Variants in SH2B3 observed in about 807,000 individuals in gnomAD.
SH2B3 encodes the protein SH2B adapter protein 3.
SH2B3 carries 43 observed loss-of-function variants against 51.9 expected under a neutral mutation model. The observed-to-expected ratio is 0.83, with a 90% confidence interval of 0.65 to 1.07. The LOEUF is 1.07. Among genes scored for constraint, SH2B3 ranks in the 50% least tolerant of loss-of-function variants. SH2B3 has a pLI of 0.00. For missense variants in SH2B3, 952 were observed against 834.3 expected (o/e 1.14, Z -1.74); for synonymous variants, 396 against 376.0 (o/e 1.05, Z -0.62).
rs1267023892 is a variant in SH2B3, at chr12:111,438,593, C to A, written c.733-8160C>A. On this transcript the variant is annotated intron_variant, in intron 2 of 7. Coordinates refer to ENST00000341259, the MANE Select transcript of SH2B3 (RefSeq NM_005475.3). This position sits in a 1 kb window ranked among gnomAD's most constrained non-coding sequence, Gnocchi z 4.2. ...CTTATGATGAATGTTGAGCACCCAC[C>A]ACCTAGCAGGCACTGGCTCGCGGCC... 6.6e-6 allele frequency among the ~76,000 whole-genome samples: 1 copy of A among 152,228 alleles called. No homozygotes were observed. Among genetic ancestry groups the A allele is most frequent in the African/African-American group, 2.4e-5 (1 of 41,456 alleles).
intron 1 of SH2B3, among the ~76,000 whole-genome samples, chr12:111,415,945 T>G (rs552852052): frequency 1.3e-5 from 2 of 151,556 alleles, no homozygotes; most frequent in African/African-American, 2.4e-5. Context: ...ATTTATTTAT[T>G]TATTTATTTA....
chr12:111,418,517 G>A lies in SH2B3; in HGVS notation c.372G>A (p.Leu124=). ...GLPKARSSEE[L]APPRPPGPCS... ...CCAAGGCCCGCAGCTCTGAGGAGCT[G>A]GCCCCGCCGCGGCCGCCCGGGCCCT... The change falls in exon 2 of 8, where the codon CTG becomes CTA. Residue 124 remains leucine, a synonymous_variant. Coordinates refer to ENST00000341259, the MANE Select transcript of SH2B3 (RefSeq NM_005475.3). The surrounding 1 kb of genome is among the most constrained non-coding windows in gnomAD (Gnocchi z 6.7). The A allele has an allele frequency of 2.9e-6, 4 of 1,387,194 alleles. No individual in the cohort carries two copies. The highest frequency in any genetic ancestry group is 9.3e-7 in the Non-Finnish European group (1 of 1,072,162). 85.9% of individuals were successfully genotyped at this position (1,387,194 alleles called of 1,614,324 possible). A position where few individuals can be genotyped will look rare whatever the true frequency, so the allele number is the denominator to read the frequency against.
intron 1 of SH2B3, among the ~76,000 whole-genome samples, chr12:111,414,062 G>A (rs1019460592): frequency 6.6e-6 from 1 of 152,222 alleles, no homozygotes; most frequent in South Asian, 2.1e-4. Context: ...CACGAGGGCA[G>A]CGCCTGTCTC....
At chr12:111,405,242 C>A (rs1229817103), upstream of SH2B3, among the ~76,000 whole-genome samples, 1 of 152,202 alleles carries the variant, frequency 6.6e-6, no homozygotes, top group Non-Finnish European at 1.5e-5. This position sits in a 1 kb window ranked among gnomAD's most constrained non-coding sequence, Gnocchi z 5.4. Context: ...GGACGGGCGG[C>A]CGGAGCGAGG....
intron 2 of SH2B3, among the ~76,000 whole-genome samples, chr12:111,419,900 G>T (rs1445866713): frequency 6.6e-6 from 1 of 152,142 alleles, no homozygotes; most frequent in African/African-American, 2.4e-5. Flanking sequence ...CTCCTTAGGC[G>T]CCTCTTGGCT....
chr12:111,446,598 C>T (rs565871684), intron 2 of SH2B3, among the ~76,000 whole-genome samples, 155 bp from the exon 3 acceptor site: 10 of 152,274 alleles, frequency 6.6e-5, no homozygotes, highest in African/African-American at 2.4e-4. Context: ...GGGGAAGGCA[C>T]CCTGGACCTC....
At chr12:111,415,076 A>G (rs1870980811) in intron 1 of SH2B3, among the ~76,000 whole-genome samples, 1 of 152,194 alleles carries the variant, frequency 6.6e-6, no homozygotes, top group Non-Finnish European at 1.5e-5. Flanking sequence ...TAACACCTGA[A>G]GAGAGGATGA....
At chr12:111,442,164 G>A (rs1442480198) in intron 2 of SH2B3, among the ~76,000 whole-genome samples, 16 of 152,180 alleles carry the variant, frequency 1.1e-4, no homozygotes, top group Admixed American at 5.2e-4. Flanking sequence ...CTGGGCTGGG[G>A]TGAGGGATCA....
chr12:111,424,622 G>T (rs1024812891), intron 2 of SH2B3, among the ~76,000 whole-genome samples: 1 of 152,092 alleles, frequency 6.6e-6, no homozygotes, highest in African/African-American at 2.4e-5. Flanking sequence ...GGTTGCTGCG[G>T]GGCCTGGGGT....
chr12:111,441,379 T>A lies in SH2B3; in HGVS notation c.733-5374T>A, dbSNP rs185605936. Among the ~76,000 whole-genome samples, 23 of 138,940 alleles carry A rather than the reference T, an allele frequency of 1.7e-4. No homozygotes were observed. In the East Asian group the frequency reaches 3.9e-3, roughly 24 times the overall value. 91.2% of individuals were successfully genotyped at this position (138,940 alleles called of 152,430 possible). ...ATCTCTTAAAAAAAAAAAAAAAAAATTGGAAACTGAGGCTAGGAGAGGTGA... is the reference window on the plus strand; with the variant it reads ...ATCTCTTAAAAAAAAAAAAAAAAAAATGGAAACTGAGGCTAGGAGAGGTGA... On this transcript the variant is annotated intron_variant, in intron 2 of 7. Transcript: ENST00000341259.
chr12:111,412,830 C>A (rs926772015), intron 1 of SH2B3, among the ~76,000 whole-genome samples: 1 of 152,150 alleles, frequency 6.6e-6, no homozygotes, highest in African/African-American at 2.4e-5. Flanking sequence ...CTTGGCCTCC[C>A]GAGGTATTGA....
At chr12:111,414,763 C>T (rs2135540698) in intron 1 of SH2B3, among the ~76,000 whole-genome samples, 1 of 152,260 alleles carries the variant, frequency 6.6e-6, no homozygotes, top group Middle Eastern at 3.4e-3. Flanking sequence ...CCCAGCGGGA[C>T]ATGGCCACAT....
At chr12:111,424,815 C>G (rs1408255830) in intron 2 of SH2B3, among the ~76,000 whole-genome samples, 1 of 152,196 alleles carries the variant, frequency 6.6e-6, no homozygotes, top group Non-Finnish European at 1.5e-5. Flanking sequence ...TCCCTGACCT[C>G]TGACCCAGGG....
Position 111,447,417 on chromosome 12 carries a change from C to A in SH2B3, c.1109C>A (p.Ser370Tyr). The change falls in exon 6 of 8, where the codon TCC becomes TAC. Residue 370 changes from serine (S) to tyrosine (Y), a missense_variant. By Grantham distance (144) the Ser-to-Tyr change is moderately radical. Coordinates refer to ENST00000341259, the MANE Select transcript of SH2B3 (RefSeq NM_005475.3). ...SCYPWFHGPI[S>Y]RVKAAQLVQL... is the part of the protein sequence containing the mutation. ...TACCCCTGGTTCCACGGCCCCATCT[C>A]CAGAGTGAAAGCAGCTCAGCTGGTT... 6.2e-7 allele frequency: 1 copy of A among 1,614,014 alleles called. No individual in the cohort carries two copies. Among genetic ancestry groups the A allele is most frequent in the Non-Finnish European group, 8.5e-7 (1 of 1,179,948 alleles).
At chr12:111,444,562 C>T (rs1012898685) in intron 2 of SH2B3, among the ~76,000 whole-genome samples, 4 of 152,230 alleles carry the variant, frequency 2.6e-5, no homozygotes, top group African/African-American at 9.6e-5. Flanking sequence ...GTCCAGGGAG[C>T]AGCTGTTGCT....
At chr12:111,413,246 T>G (rs1870835061) in intron 1 of SH2B3, among the ~76,000 whole-genome samples, 1 of 152,158 alleles carries the variant, frequency 6.6e-6, no homozygotes, top group South Asian at 2.1e-4. Context: ...GAAAAATGCC[T>G]GATATGATCT....
chr12:111,446,672 G>A lies in SH2B3; in HGVS notation c.733-81G>A, dbSNP rs927123980. Reference sequence around the variant, plus strand: ...CTCTCTCTAAAAGGGGGACTCCTGGGGAGACTATAGACAAACTCAGGCCTG... The same window carrying A: ...CTCTCTCTAAAAGGGGGACTCCTGGAGAGACTATAGACAAACTCAGGCCTG... On this transcript the variant is annotated intron_variant, in intron 2 of 7. Transcript: ENST00000341259. The A allele has an allele frequency of 3.5e-5, 26 of 747,558 alleles. 1 individual carries two copies. Among genetic ancestry groups the A allele is most frequent in the Admixed American group, 2.6e-4 (9 of 34,158 alleles). 46.3% of individuals were successfully genotyped at this position (747,558 alleles called of 1,614,324 possible).
intron 1 of SH2B3, among the ~76,000 whole-genome samples, chr12:111,411,668 C>T (rs567597318): frequency 2.3e-4 from 35 of 152,256 alleles, no homozygotes; most frequent in East Asian, 7.7e-4. Flanking sequence ...ACTGCTGCTT[C>T]GAGGCCCTCA....
At position 111,410,813 on chromosome 12, in the gene SH2B3, G is replaced by A. The variant is rs577078512; in HGVS notation, c.-28+4536G>A. Among the ~76,000 whole-genome samples the A allele has an allele frequency of 1.3e-4, 20 of 152,322 alleles. No individual in the cohort carries two copies. The South Asian group carries it at 3.7e-3, about 28-fold the overall frequency. Reference sequence around the variant, plus strand: ...GAATGCTGTGAAAGGGCAGCAGGCCGCCTGCCAGGCAGTGTGTGTCAGAAT... The same window carrying A: ...GAATGCTGTGAAAGGGCAGCAGGCCACCTGCCAGGCAGTGTGTGTCAGAAT... On this transcript the variant is annotated intron_variant, in intron 1 of 7. Coordinates refer to ENST00000341259, the MANE Select transcript of SH2B3 (RefSeq NM_005475.3). This position sits in a 1 kb window ranked among gnomAD's most constrained non-coding sequence, Gnocchi z 4.9.
Sources: gnomAD v4.1 joint callset for allele counts (sites outside exome capture counted in the v4.1 genomes callset) on GRCh38, gnomAD v4.1.1 for gene constraint, Gnocchi (gnomAD v3.1) non-coding constraint, MANE v1.5 for transcripts, NCBI Gene and HGNC (gene_info 2026-07-23, HGNC 2026-07-21) for gene names.